Variants in EPRS1 observed in about 807,000 individuals in gnomAD.
EPRS1 encodes the protein bifunctional glutamate/proline--tRNA ligase.
A neutral mutation model predicts 188.3 loss-of-function variants in EPRS1; 107 were observed. The ratio of observed to expected loss-of-function variants is 0.57; its 90% confidence interval spans 0.49 to 0.67. The LOEUF is 0.67. Among genes scored for constraint, EPRS1 ranks in the 30% least tolerant of loss-of-function variants. The pLI is 0.00. For missense variants in EPRS1, 1,577 were observed against 1,802.2 expected (o/e 0.88, Z 2.26); for synonymous variants, 596 against 593.1 (o/e 1.00, Z -0.07).
At chr1:219,986,622 AGTTTT>A (rs1465182822) in intron 20 of EPRS1, among the ~76,000 whole-genome samples, 1 of 152,176 alleles carries the variant, frequency 6.6e-6, no homozygotes, top group Non-Finnish European at 1.5e-5. Context: ...GTCTTTAGTC[AGTTTT>A]GTCTTATATT....
At chr1:219,969,976 C>G (rs1418197111) in intron 30 of EPRS1, among the ~76,000 whole-genome samples, 1 of 152,140 alleles carries the variant, frequency 6.6e-6, no homozygotes, top group East Asian at 1.9e-4. Context: ...CGTGTGCCAC[C>G]ATGCCCAGCT....
intron 6 of EPRS1, among the ~76,000 whole-genome samples, chr1:220,025,986 G>A (rs954755753): frequency 6.6e-6 from 1 of 152,062 alleles, no homozygotes; most frequent in Non-Finnish European, 1.5e-5. Context: ...GTAGAAACGA[G>A]GTTTCACCAT....
chr1:220,004,093 T>TTA (rs1385790641), intron 16 of EPRS1, among the ~76,000 whole-genome samples: 2 of 152,156 alleles, frequency 1.3e-5, no homozygotes, highest in African/African-American at 4.8e-5. Context: ...GGTGGTGCAA[T>TTA]TATAGGTCAC....
At chr1:220,034,812 C>A (rs2789817) in intron 3 of EPRS1, 102 bp downstream of exon 3, 616,163 of 758,424 alleles carry the variant, frequency 0.81, 251,188 homozygotes, top group East Asian at 0.92. Context: ...CTGTTAATAT[C>A]CTTAAGTAGA....
At chr1:220,031,906 T>C (rs1051067565) in intron 5 of EPRS1, among the ~76,000 whole-genome samples, 2 of 152,182 alleles carry the variant, frequency 1.3e-5, no homozygotes, top group East Asian at 3.8e-4. Context: ...TATTTAGCTA[T>C]ATAATTATAA....
At chr1:220,031,004 A>G (rs1171411864) in intron 5 of EPRS1, among the ~76,000 whole-genome samples, 1 of 152,040 alleles carries the variant, frequency 6.6e-6, no homozygotes, top group Admixed American at 6.6e-5. Flanking sequence ...AGGCAGGAGA[A>G]TCGCTTGAAC....
In EPRS1 at chr1:219,968,931, G is replaced by C. The variant is rs886842952; in HGVS notation, c.4414C>G (p.Pro1472Ala). The change falls in exon 32 of 32, where the codon CCA becomes GCA. Residue 1472 changes from proline to alanine, a missense_variant. By Grantham distance (27) the Pro-to-Ala change is conservative. Transcript: ENST00000366923. Reference protein sequence around the residue: ...ARDQDLEPGAPSMGAKSLCIP... With the variant: ...ARDQDLEPGAASMGAKSLCIP... ...CAAAGGCTTTTAGCTCCCATGGATG[G>C]AGCACCAGGTTCAAGATCTTGATCC... The C allele has an allele frequency of 2.0e-5, 32 of 1,613,952 alleles. No individual in the cohort carries two copies. The highest frequency in any genetic ancestry group is 2.5e-5 in the Non-Finnish European group (30 of 1,179,980).
chr1:219,985,161 A>C (rs1411418511), intron 20 of EPRS1, among the ~76,000 whole-genome samples: 1 of 152,172 alleles, frequency 6.6e-6, no homozygotes, highest in African/African-American at 2.4e-5. Context: ...CTATGATTCT[A>C]TGCAGACATC....
In EPRS1 at chr1:220,007,351, G is replaced by C. The variant is rs752977770; in HGVS notation, c.1606-13C>G. 4 of 1,599,876 alleles carry C rather than the reference G, an allele frequency of 2.5e-6. No individual in the cohort carries two copies. The highest frequency in any genetic ancestry group is 2.6e-6 in the Non-Finnish European group (3 of 1,175,862). ...CAACCTCAGGATTCTGATTGATAAA[G>C]AAAAGCAGAGTGTCTGTTGAAACAA... On this transcript the variant is annotated splice_polypyrimidine_tract_variant and intron_variant, in intron 13 of 31. Coordinates refer to ENST00000366923, the MANE Select transcript of EPRS1 (RefSeq NM_004446.3).
chr1:220,002,846 T>A (rs1026588169), intron 16 of EPRS1, among the ~76,000 whole-genome samples: 9 of 152,092 alleles, frequency 5.9e-5, no homozygotes, highest in Non-Finnish European at 2.9e-5. Context: ...CTTAAAAAAA[T>A]AATAATTTAT....
intron 9 of EPRS1, among the ~76,000 whole-genome samples, chr1:220,020,907 C>A (rs57884703): frequency 0.17 from 23,367 of 137,634 alleles, 3,493 homozygotes; most frequent in East Asian, 0.4. Flanking sequence ...TTTTTGGAGA[C>A]AGTCTCGCTC....
At chr1:220,011,304 A>G (rs1458411621) in intron 12 of EPRS1, among the ~76,000 whole-genome samples, 1 of 152,244 alleles carries the variant, frequency 6.6e-6, no homozygotes, top group African/African-American at 2.4e-5. Context: ...AAAGAAACCA[A>G]TTAAAGCATA....
intron 10 of EPRS1, 40 bp downstream of exon 10, chr1:220,019,948 G>T (rs1043023484): frequency 7.2e-7 from 1 of 1,384,478 alleles, no homozygotes; most frequent in Non-Finnish European, 1.0e-6. Flanking sequence ...GATCTACTAT[G>T]TCCTTACTTC....
intron 13 of EPRS1, among the ~76,000 whole-genome samples, chr1:220,010,359 C>A (rs1421127928): frequency 1.3e-5 from 2 of 152,120 alleles, no homozygotes; most frequent in African/African-American, 4.8e-5. Flanking sequence ...TCTTATTACA[C>A]ACTAATATGC....
intron 22 of EPRS1, 66 bp downstream of exon 22, chr1:219,983,116 TGTTAAAA>T (rs1225678747): frequency 1.6e-6 from 2 of 1,263,712 alleles, no homozygotes; most frequent in Non-Finnish European, 1.1e-6. Context: ...CAAAATTGGT[TGTTAAAA>T]GTTGAAAATA....
At chr1:220,024,103 G>A (rs1661926605) in intron 8 of EPRS1, among the ~76,000 whole-genome samples, 161 bp downstream of exon 8, 2 of 152,276 alleles carry the variant, frequency 1.3e-5, no homozygotes, top group Admixed American at 6.5e-5. Context: ...AGTGAGCCGA[G>A]ATCGCGCCAT....
intron 12 of EPRS1, among the ~76,000 whole-genome samples, chr1:220,013,437 T>C (rs1661644849): frequency 6.6e-6 from 1 of 152,160 alleles, no homozygotes; most frequent in African/African-American, 2.4e-5. Flanking sequence ...CCACGTACAA[T>C]TCACTCCTAA....
intron 28 of EPRS1, among the ~76,000 whole-genome samples, chr1:219,976,013 T>C (rs1571653273): frequency 6.6e-6 from 1 of 151,692 alleles, no homozygotes; most frequent in Admixed American, 6.6e-5. Context: ...TGGGCCAGGG[T>C]AGAAAAAGTA....
chr1:220,024,964 G>A (rs1661946646), intron 7 of EPRS1, 168 bp downstream of exon 7: 1 of 636,612 alleles, frequency 1.6e-6, no homozygotes, highest in Admixed American at 2.7e-5. Flanking sequence ...AAGTTTTTTG[G>A]TATGGGAGCT....
Sources: allele counts gnomAD v4.1 joint callset (sites outside exome capture counted in the v4.1 genomes callset), GRCh38; gene constraint gnomAD v4.1.1; transcripts MANE v1.5; gene names NCBI Gene and HGNC (gene_info 2026-07-23, HGNC 2026-07-21).